Variants in SDK2 observed in about 807,000 individuals in gnomAD.
SDK2 encodes the protein sidekick cell adhesion molecule 2, also known as protein sidekick-2.
SDK2 carries 105 observed loss-of-function variants against 253.9 expected under a neutral mutation model. The ratio of observed to expected loss-of-function variants is 0.41; its 90% CI spans 0.35 to 0.49. The LOEUF (loss-of-function observed/expected upper bound fraction) is 0.49. Among genes scored for constraint, SDK2 ranks in the 20% least tolerant of loss-of-function variants. The pLI, the probability that SDK2 is intolerant of heterozygous loss-of-function variation, is 0.06. For synonymous variants in SDK2, 1,249 were observed against 1,234.9 expected, an observed-to-expected ratio of 1.01 and a Z score of -0.24; for missense variants, 2,608 against 3,003.0, an observed-to-expected ratio of 0.87 and a Z score of 3.07.
At chr17:73,466,091 G>T (rs768092755) in intron 3 of SDK2, among the ~76,000 whole-genome samples, 1 of 152,208 alleles carries the variant, frequency 6.6e-6, no homozygotes, top group Non-Finnish European at 1.5e-5. Context: ...GGTCATGCAA[G>T]TACGGGGTGA....
rs757187447 is a variant in SDK2 at position 73,419,207 on chromosome 17, A to G, written c.2145T>C (p.Pro715=). The G allele has an allele frequency of 2.5e-6, 4 of 1,612,256 alleles. No homozygotes were observed. The South Asian group carries it at 3.3e-5, about 13-fold the overall frequency. ...TGAGAATTCCATTCTGGTGGCTCTC[A>G]GGAGGCGGCTGCCACTGGATCATGA... ...QSIMIQWQPP[P]ESHQNGILKG... The change falls in exon 16 of 45, where the codon CCT becomes CCC. Residue 715 remains proline, a synonymous_variant. Transcript: ENST00000392650.
chr17:73,560,965 C>G (rs1457783075), intron 1 of SDK2, among the ~76,000 whole-genome samples: 1 of 152,134 alleles, frequency 6.6e-6, no homozygotes, highest in Non-Finnish European at 1.5e-5. Flanking sequence ...GCCACTGGGC[C>G]AGGCATGTCC....
At position 73,593,724 on chromosome 17, in the gene SDK2, A is replaced by G. The variant is rs2045716207; in HGVS notation, c.64+50301T>C. ...GGAAGGTGTTAACTGGATTAGGCAG[A>G]AGGCTTCCAGGAGACACCAGCTGAA... On this transcript the variant is annotated intron_variant, in intron 1 of 44. Transcript: ENST00000392650. Among the ~76,000 whole-genome samples the G allele has an allele frequency of 1.3e-5, 2 of 152,198 alleles. 1 individual carries two copies. Among genetic ancestry groups the G allele is most frequent in the South Asian group, 4.1e-4 (2 of 4,832 alleles).
rs1297165918 is a variant in SDK2, at chr17:73,507,585, G to A, written c.77C>T (p.Pro26Leu). 7.7e-6 allele frequency: 12 copies of A among 1,551,164 alleles called. No homozygotes were observed. The highest frequency in any genetic ancestry group is 4.9e-5 in the East Asian group (2 of 40,912). Residue 26 changes from proline to leucine, a missense_variant, in exon 2 of 45, where the codon CCG (proline) becomes CTG (leucine). Physicochemically the swap from Pro to Leu is moderately conservative, Grantham distance 98 (BLOSUM62 -3). Around this residue, in one of 2 missense-constraint regions of SDK2, gnomAD observed 1,505 missense variants for 1,859.1 expected, o/e 0.81. Transcript: ENST00000392650. ...CCGCACAGGCTCTGTCTTGAAATACGGGGACACATCATCTGCAGAAACAGG... is the reference window on the plus strand; with the variant it reads ...CCGCACAGGCTCTGTCTTGAAATACAGGGACACATCATCTGCAGAAACAGG... ...RAARAQDDVS[P>L]YFKTEPVRTQ...
intron 30 of SDK2, among the ~76,000 whole-genome samples, chr17:73,387,601 G>A (rs1184448196): frequency 6.6e-6 from 1 of 152,218 alleles, no homozygotes; most frequent in Admixed American, 6.5e-5. Context: ...TCCAGAAATA[G>A]ATAATTAAGA....
chr17:73,483,677 A>ATT lies in SDK2; in HGVS notation c.225-11460_225-11459insAA, dbSNP rs1567799265. Among the ~76,000 whole-genome samples the ATT allele has an allele frequency of 3.2e-5, 2 of 63,452 alleles. 1 individual carries two copies. Among genetic ancestry groups the ATT allele is most frequent in the African/African-American group, 1.5e-4 (2 of 13,296 alleles). 41.6% of individuals were successfully genotyped at this position (63,452 alleles called of 152,430 possible). A position where few individuals can be genotyped will look rare whatever the true frequency, so the allele number is the denominator to read the frequency against. On this transcript the variant is annotated intron_variant, in intron 2 of 44. Transcript: ENST00000392650. Reference sequence around the variant, plus strand: ...TGTGTGTGTGTATATATATATATATATATATTTATATATATATATATATAT... The same window carrying ATT: ...TGTGTGTGTGTATATATATATATATATTTATATTTATATATATATATATATAT...
chr17:73,508,068 G>A (rs1016388431), intron 1 of SDK2, among the ~76,000 whole-genome samples: 3 of 152,250 alleles, frequency 2.0e-5, no homozygotes, highest in Admixed American at 6.5e-5. Flanking sequence ...CCAAGGCTGG[G>A]GGAAGCCCTC....
intron 1 of SDK2, among the ~76,000 whole-genome samples, chr17:73,559,271 C>T (rs2045190914): frequency 6.6e-6 from 1 of 152,154 alleles, no homozygotes. Context: ...ACTATTTAAC[C>T]TCTCTGAGCC....
intron 2 of SDK2, among the ~76,000 whole-genome samples, chr17:73,491,766 C>G (rs1215366151): frequency 3.9e-5 from 6 of 152,164 alleles, no homozygotes; most frequent in Non-Finnish European, 7.3e-5. Context: ...CCAAAGTCAC[C>G]CTTGCGGGTG....
At chr17:73,607,451 C>T (rs967673967) in intron 1 of SDK2, among the ~76,000 whole-genome samples, 1 of 152,056 alleles carries the variant, frequency 6.6e-6, no homozygotes, top group African/African-American at 2.4e-5. Context: ...TGGGATCTAC[C>T]GGGGGACCCT....
chr17:73,495,655 TATG>T (rs2063837127), intron 2 of SDK2, among the ~76,000 whole-genome samples: 1 of 151,964 alleles, frequency 6.6e-6, no homozygotes, highest in African/African-American at 2.4e-5. Flanking sequence ...TTTGTTTGTG[TATG>T]TGTGTGTGTG....
At chr17:73,619,658 A>G (rs868255725) in intron 1 of SDK2, among the ~76,000 whole-genome samples, 1 of 152,230 alleles carries the variant, frequency 6.6e-6, no homozygotes, top group African/African-American at 2.4e-5. Flanking sequence ...ATGGGGTTAA[A>G]TCTTAAAATC....
chr17:73,521,397 C>T (rs1481929335), intron 1 of SDK2: 1 of 152,094 alleles, frequency 6.6e-6, no homozygotes, highest in Non-Finnish European at 1.5e-5. Context: ...AAATAAAAAA[C>T]ATACAATGGG....
At chr17:73,611,405 G>A (rs2045972804) in intron 1 of SDK2, among the ~76,000 whole-genome samples, 1 of 152,226 alleles carries the variant, frequency 6.6e-6, no homozygotes. Flanking sequence ...GCCACTCAGA[G>A]GCCTCCAGGA....
intron 16 of SDK2, 61 bp downstream of exon 16, chr17:73,419,105 C>A: frequency 6.4e-7 from 1 of 1,572,362 alleles, no homozygotes; most frequent in East Asian, 2.3e-5. Flanking sequence ...AGTCCACTCC[C>A]GATCTTCCCC....
chr17:73,542,415 G>A (rs2044883770), intron 1 of SDK2, among the ~76,000 whole-genome samples: 2 of 152,222 alleles, frequency 1.3e-5, no homozygotes, highest in Admixed American at 6.5e-5. Flanking sequence ...CTGGGTGCCT[G>A]TTGGTGGAGG....
In SDK2 at chr17:73,436,778, G is replaced by A. The variant is rs1371530849; in HGVS notation, c.1000+961C>T. ...CCCATGGTCACGTCTCCGAGATCAGGATGTGTCTTATAATCAACAGCATGT... is the reference window on the plus strand; with the variant it reads ...CCCATGGTCACGTCTCCGAGATCAGAATGTGTCTTATAATCAACAGCATGT... On this transcript the variant is annotated intron_variant, in intron 8 of 44. Coordinates refer to ENST00000392650, the MANE Select transcript of SDK2 (RefSeq NM_001144952.2). Among the ~76,000 whole-genome samples, 18 of 151,980 alleles carry A rather than the reference G, an allele frequency of 1.2e-4. No individual in the cohort carries two copies. In the East Asian group the frequency reaches 2.9e-3, roughly 25 times the overall value.
Position 73,395,324 on chromosome 17 carries a change from T to C in SDK2, c.3423A>G (p.Ser1141=), listed in dbSNP as rs765740285. The change falls in exon 25 of 45, where the codon TCA becomes TCG. Residue 1141 remains serine (S), a synonymous_variant. Transcript: ENST00000392650. This position sits in a 1 kb window ranked among gnomAD's most constrained non-coding sequence, Gnocchi z 4.3. ...GGCTCAGCGTCTTGCCATGCCCGTCTGACCGGCTGTACTTGATCTTATAGC... is the reference window on the plus strand; with the variant it reads ...GGCTCAGCGTCTTGCCATGCCCGTCCGACCGGCTGTACTTGATCTTATAGC... The part of the protein sequence containing the change: ...SVGYKIKYSR[S]DGHGKTLSHV... The C allele has an allele frequency of 1.2e-6, 2 of 1,613,904 alleles. No homozygotes were observed. The highest frequency in any genetic ancestry group is 1.7e-6 in the Non-Finnish European group (2 of 1,179,904).
At chr17:73,423,328 CTGACTCCTAAGTCCAAGCT>C (rs2063249156) in intron 14 of SDK2, 39 bp downstream of exon 14, 3 of 1,324,318 alleles carry the variant, frequency 2.3e-6, no homozygotes, top group Non-Finnish European at 2.9e-6. Context: ...CAGCCCAGGG[CTGACTCCTAAGTCCAAGCT>C]TGGGCGGGAG....
Sources: allele counts gnomAD v4.1 joint callset (sites outside exome capture counted in the v4.1 genomes callset), GRCh38; gene constraint gnomAD v4.1.1; regional missense constraint gnomAD v4.1.1; non-coding constraint Gnocchi (gnomAD v3.1); transcripts MANE v1.5; gene names NCBI Gene and HGNC (gene_info 2026-07-23, HGNC 2026-07-21).